Variants in CAMSAP2 observed in about 807,000 individuals in gnomAD.
CAMSAP2 encodes the protein calmodulin-regulated spectrin-associated protein 2.
In CAMSAP2, 26 loss-of-function variants were observed where a neutral mutation model predicts 146.1. That is an observed-to-expected ratio of 0.18 (90% CI 0.13 to 0.25). The LOEUF (loss-of-function observed/expected upper bound fraction) is 0.25, where lower values mean the gene tolerates loss of function less well. CAMSAP2 is among the 10% of genes least tolerant of loss of function. CAMSAP2 has a pLI of 1.00. For missense variants in CAMSAP2, 1,381 were observed against 1,759.3 expected, an observed-to-expected ratio of 0.78 and a Z score of 3.85; for synonymous variants, 499 against 596.6, an observed-to-expected ratio of 0.84 and a Z score of 2.38.
intron 6 of CAMSAP2, among the ~76,000 whole-genome samples, chr1:200,840,505 C>T (rs1338857375): frequency 6.6e-6 from 1 of 152,142 alleles, no homozygotes; most frequent in Non-Finnish European, 1.5e-5. Flanking sequence ...CTCAAGCAGT[C>T]CTTCCTCCTC....
chr1:200,858,672 C>G lies in CAMSAP2; in HGVS notation c.*613C>G, dbSNP rs533295577. On this transcript the variant is annotated 3_prime_UTR_variant, in exon 17 of 17. Transcript: ENST00000358823. ...ATTATTCTGCTAAGTATTTACAACT[C>G]TATTTATTATTCACTCAAGTATTAA... 5.9e-5 allele frequency: 9 copies of G among 152,700 alleles called. No homozygotes were observed. The highest frequency in any genetic ancestry group is 1.0e-4 in the Non-Finnish European group (7 of 67,898). The allele number at this position is 152,700 out of a possible 1,614,324, so 9.5% of individuals were successfully genotyped here.
Position 200,857,561 on chromosome 1 carries a change from T to A in CAMSAP2, c.4131+137T>A. The A allele has an allele frequency of 1.3e-6, 1 of 789,842 alleles. No homozygotes were observed. Among genetic ancestry groups the A allele is most frequent in the Admixed American group, 2.9e-5 (1 of 33,906 alleles). The allele number at this position is 789,842 out of a possible 1,614,324, so 48.9% of individuals were successfully genotyped here. ...TAGCTAGATGTTTTAATTATCAGAT[T>A]TAGTTTATTTTCACATTAGGTTCTG... On this transcript the variant is annotated intron_variant, in intron 16 of 16. Coordinates refer to ENST00000358823, the MANE Select transcript of CAMSAP2 (RefSeq NM_203459.4). The surrounding 1 kb of genome is among the most constrained non-coding windows in gnomAD (Gnocchi z 4.7).
At chr1:200,819,866 C>T (rs1172757375) in intron 4 of CAMSAP2, among the ~76,000 whole-genome samples, 1 of 152,010 alleles carries the variant, frequency 6.6e-6, no homozygotes, top group East Asian at 1.9e-4. Context: ...GGGACTTTAA[C>T]AGGGCCTTAG....
chr1:200,746,569 A>G (rs913638182), intron 1 of CAMSAP2, among the ~76,000 whole-genome samples: 2 of 152,134 alleles, frequency 1.3e-5, no homozygotes, highest in African/African-American at 4.8e-5. Flanking sequence ...GATGAGAGCT[A>G]TAAGTGGTAA....
chr1:200,785,974 G>GC (rs1665579159), intron 2 of CAMSAP2, among the ~76,000 whole-genome samples: 1 of 152,258 alleles, frequency 6.6e-6, no homozygotes. Flanking sequence ...ACAGGCGTGA[G>GC]CCACGGCACC....
intron 3 of CAMSAP2, among the ~76,000 whole-genome samples, chr1:200,811,716 T>G (rs990176216): frequency 2.6e-5 from 4 of 152,212 alleles, no homozygotes; most frequent in Non-Finnish European, 5.9e-5. Flanking sequence ...CTTTTTATAG[T>G]GCAGCTTGGA....
intron 1 of CAMSAP2, among the ~76,000 whole-genome samples, chr1:200,745,949 T>TA (rs1350710728): frequency 6.6e-6 from 1 of 152,180 alleles, no homozygotes; most frequent in Non-Finnish European, 1.5e-5. Context: ...TATTGACAGT[T>TA]AAAAAGTTTT....
chr1:200,807,785 G>C (rs1666220583), intron 3 of CAMSAP2, among the ~76,000 whole-genome samples: 1 of 144,916 alleles, frequency 6.9e-6, no homozygotes, highest in African/African-American at 2.6e-5. Flanking sequence ...CTGTCACCCA[G>C]GCTGGAGTGA....
Position 200,739,911 on chromosome 1 carries a change from C to A in CAMSAP2, c.84C>A (p.Ser28=). Residue 28 remains serine (S), a synonymous_variant, in exon 1 of 17, where the codon TCC becomes TCA. Transcript: ENST00000358823. This position sits in a 1 kb window ranked among gnomAD's most constrained non-coding sequence, Gnocchi z 4.8. ...AIKPFDHYDF[S]RAKIACNLAW... is the part of the protein sequence containing the mutation. ...AGCCTTTTGACCACTATGATTTCTC[C>A]AGGGCCAAAATCGCCTGCAATCTGG... is the stretch of plus-strand genomic sequence containing the variant. 2 of 1,614,182 alleles carry A rather than the reference C, an allele frequency of 1.2e-6. No individual in the cohort carries two copies. The highest frequency in any genetic ancestry group is 1.7e-6 in the Non-Finnish European group (2 of 1,180,028).
chr1:200,772,644 A>G (rs908152331), intron 2 of CAMSAP2, among the ~76,000 whole-genome samples: 1 of 152,180 alleles, frequency 6.6e-6, no homozygotes, highest in African/African-American at 2.4e-5. Context: ...TTAATTAAAA[A>G]TACAAATGTA....
intron 3 of CAMSAP2, among the ~76,000 whole-genome samples, chr1:200,811,865 C>T (rs886754444): frequency 6.6e-6 from 1 of 152,186 alleles, no homozygotes; most frequent in Non-Finnish European, 1.5e-5. Context: ...CACTGTTCCC[C>T]TTTCTCACTT....
In CAMSAP2 at chr1:200,858,086, A is replaced by G; in HGVS notation, c.*27A>G. On this transcript the variant is annotated 3_prime_UTR_variant, in exon 17 of 17. Coordinates refer to ENST00000358823, the MANE Select transcript of CAMSAP2 (RefSeq NM_203459.4). Reference sequence around the variant, plus strand: ...AGTTGGGAAATACTTGCTTCAGAACATTCATGGTAAATTTGCACTTCATCT... The same window carrying G: ...AGTTGGGAAATACTTGCTTCAGAACGTTCATGGTAAATTTGCACTTCATCT... 1 of 1,519,128 alleles carries G rather than the reference A, an allele frequency of 6.6e-7. No homozygotes were observed. Among genetic ancestry groups the G allele is most frequent in the Non-Finnish European group, 8.8e-7 (1 of 1,136,064 alleles). 94.1% of individuals were successfully genotyped at this position (1,519,128 alleles called of 1,614,324 possible).
In CAMSAP2 at chr1:200,739,859, G is replaced by A. The variant is rs763707243; in HGVS notation, c.32G>A (p.Arg11Lys). The change falls in exon 1 of 17, where the codon AGA becomes AAA. Residue 11 changes from arginine to lysine, a missense_variant. By Grantham distance (26) the Arg-to-Lys change is conservative. This residue lies in a region of CAMSAP2 where 284 missense variants were observed against 406.9 expected (regional missense o/e 0.70). Transcript: ENST00000358823. This position sits in a 1 kb window ranked among gnomAD's most constrained non-coding sequence, Gnocchi z 4.8. MGDAADPREMRKTFIVPAIKP... is the reference protein window; with the variant it reads MGDAADPREMKKTFIVPAIKP... ...GATGCTGCAGACCCCAGGGAGATGA[G>A]AAAGACGTTCATTGTTCCAGCCATC... The A allele has an allele frequency of 1.5e-5, 25 of 1,614,054 alleles. No individual in the cohort carries two copies. In the South Asian group the frequency reaches 1.6e-4, roughly 11 times the overall value.
intron 4 of CAMSAP2, chr1:200,828,708 C>A: frequency 1.9e-6 from 2 of 1,077,466 alleles, no homozygotes; most frequent in South Asian, 1.4e-5. Context: ...TTCTGTTAGT[C>A]ATTGAATAGA....
intron 2 of CAMSAP2, among the ~76,000 whole-genome samples, chr1:200,799,562 T>G (rs1173504095): frequency 6.6e-6 from 1 of 152,192 alleles, no homozygotes; most frequent in Non-Finnish European, 1.5e-5. Flanking sequence ...TCTTCTCTCT[T>G]TCCTTCTTTA....
chr1:200,753,983 AAGTCTCCT>A (rs1664579706), intron 1 of CAMSAP2, among the ~76,000 whole-genome samples: 1 of 152,156 alleles, frequency 6.6e-6, no homozygotes, highest in African/African-American at 2.4e-5. Context: ...AGACAGATGA[AAGTCTCCT>A]TACCCCCATT....
At chr1:200,771,927 G>C (rs984401784) in intron 2 of CAMSAP2, among the ~76,000 whole-genome samples, 3 of 152,220 alleles carry the variant, frequency 2.0e-5, no homozygotes, top group African/African-American at 7.2e-5. Flanking sequence ...GTAAATTACA[G>C]CTAATTTAAC....
At chr1:200,823,555 G>T (rs772647712) in intron 4 of CAMSAP2, among the ~76,000 whole-genome samples, 1 of 152,274 alleles carries the variant, frequency 6.6e-6, no homozygotes, top group African/African-American at 2.4e-5. Context: ...TATTTCTCAT[G>T]GTTAGACTGG....
At chr1:200,758,903 G>C (rs2102999633) in intron 1 of CAMSAP2, among the ~76,000 whole-genome samples, 1 of 152,106 alleles carries the variant, frequency 6.6e-6, no homozygotes, top group African/African-American at 2.4e-5. Context: ...TACTGCCTTT[G>C]AACTTCATTT....
Sources: gnomAD v4.1 joint callset for allele counts (sites outside exome capture counted in the v4.1 genomes callset) on GRCh38, gnomAD v4.1.1 for gene constraint, gnomAD v4.1.1 regional missense constraint, Gnocchi (gnomAD v3.1) non-coding constraint, MANE v1.5 for transcripts, NCBI Gene and HGNC (gene_info 2026-07-23, HGNC 2026-07-21) for gene names.